The following KCNN2 variants were observed in gnomAD, a reference collection of about 807,000 sequenced individuals.
KCNN2 encodes small conductance calcium-activated potassium channel protein 2.
KCNN2 carries 24 observed loss-of-function variants against 55.5 expected under a neutral mutation model. The observed-to-expected ratio is 0.43, with a 90% CI of 0.31 to 0.61. The LOEUF is 0.61. Among genes scored for constraint, KCNN2 ranks in the 20% least tolerant of loss-of-function variants. KCNN2 has a pLI of 0.08. For synonymous variants in KCNN2, 431 were observed against 336.1 expected (o/e 1.28, Z -3.09); for missense variants, 754 against 853.6 (o/e 0.88, Z 1.45).
At chr5:114,151,315 G>A (rs1752519372) in intron 1 of KCNN2, among the ~76,000 whole-genome samples, 1 of 152,000 alleles carries the variant, frequency 6.6e-6, no homozygotes, top group South Asian at 2.1e-4. Context: ...TGATTAAATG[G>A]CAGTGGGTTG....
chr5:114,489,354 C>T (rs752193662), intron 6 of KCNN2, among the ~76,000 whole-genome samples: 3 of 152,128 alleles, frequency 2.0e-5, no homozygotes, highest in Non-Finnish European at 4.4e-5. Context: ...GTTGCAAATG[C>T]ACCCTACAAG....
At chr5:114,140,785 T>C (rs1752262785) in intron 1 of KCNN2, among the ~76,000 whole-genome samples, 1 of 147,762 alleles carries the variant, frequency 6.8e-6, no homozygotes, top group Non-Finnish European at 1.5e-5. Flanking sequence ...ATTATTATTA[T>C]TATTATTATT....
intron 2 of KCNN2, among the ~76,000 whole-genome samples, chr5:114,284,207 T>C (rs1755685802): frequency 6.6e-6 from 1 of 152,244 alleles, no homozygotes; most frequent in African/African-American, 2.4e-5. Flanking sequence ...ATCTTAGGTC[T>C]TGGATGTTAA....
At chr5:114,307,436 C>A (rs184267543) in intron 2 of KCNN2, among the ~76,000 whole-genome samples, 1 of 152,086 alleles carries the variant, frequency 6.6e-6, no homozygotes, top group African/African-American at 2.4e-5. Flanking sequence ...GGCCTTCTTG[C>A]CTGTTCTGAT....
At chr5:114,164,100 G>T (rs1752856767) in intron 1 of KCNN2, among the ~76,000 whole-genome samples, 1 of 152,074 alleles carries the variant, frequency 6.6e-6, no homozygotes, top group South Asian at 2.1e-4. Context: ...TTACAAGAAG[G>T]ATTACAAAAG....
chr5:114,145,331 A>T (rs1006763034), intron 1 of KCNN2, among the ~76,000 whole-genome samples: 9 of 152,262 alleles, frequency 5.9e-5, no homozygotes, highest in Non-Finnish European at 1.3e-4. Context: ...CTTCTGAACT[A>T]ACACAATCCT....
At position 114,362,868 on chromosome 5, in the gene KCNN2, G is replaced by A. The variant is rs1054005035; in HGVS notation, c.729G>A (p.Ala243=). ...ACCTGCACGAGATGGACTCAGAGGCGCAGCCCCTGCAGCCCCCCGCGTCTG... is the reference window on the plus strand; with the variant it reads ...ACCTGCACGAGATGGACTCAGAGGCACAGCCCCTGCAGCCCCCCGCGTCTG... ...RRNLHEMDSE[A]QPLQPPASVG... is the part of the protein sequence containing the mutation. Residue 243 remains alanine (A), a synonymous_variant, in exon 1 of 8, where the codon GCG becomes GCA. Coordinates refer to ENST00000673685, the MANE Select transcript of KCNN2 (RefSeq NM_021614.4). 1.3e-6 allele frequency: 2 copies of A among 1,598,520 alleles called. No homozygotes were observed. Among genetic ancestry groups the A allele is most frequent in the Non-Finnish European group, 8.5e-7 (1 of 1,178,570 alleles).
At chr5:114,429,776 G>T (rs970983307) in intron 3 of KCNN2, among the ~76,000 whole-genome samples, 20 of 139,006 alleles carry the variant, frequency 1.4e-4, no homozygotes, top group East Asian at 8.9e-4. Context: ...GGTTTTGGGG[G>T]TTTTTTTGTG....
intron 2 of KCNN2, among the ~76,000 whole-genome samples, chr5:114,342,232 A>T (rs991572483): frequency 1.3e-5 from 2 of 152,196 alleles, no homozygotes; most frequent in Admixed American, 1.3e-4. Flanking sequence ...TATCTCCAGA[A>T]TTGTATTTTG....
chr5:114,181,603 A>G (rs1193820201), intron 1 of KCNN2, among the ~76,000 whole-genome samples: 24 of 152,082 alleles, frequency 1.6e-4, no homozygotes, highest in Admixed American at 1.6e-3. Flanking sequence ...TAATTTATCA[A>G]TTTTTTTATT....
chr5:114,388,187 G>A (rs533040329), intron 2 of KCNN2, among the ~76,000 whole-genome samples: 4 of 152,006 alleles, frequency 2.6e-5, no homozygotes, highest in East Asian at 3.9e-4. Context: ...TGTTATTTTT[G>A]TACTTATTTC....
intron 3 of KCNN2, among the ~76,000 whole-genome samples, chr5:114,410,052 C>G (rs917007040): frequency 5.9e-5 from 9 of 152,304 alleles, no homozygotes; most frequent in Admixed American, 1.3e-4. Context: ...CTAGGAAGAA[C>G]ACTGTCCTCT....
intron 5 of KCNN2, chr5:114,486,834 G>T (rs910860213): frequency 8.2e-7 from 1 of 1,223,076 alleles, no homozygotes; most frequent in South Asian, 1.4e-5. Flanking sequence ...GAAAGAAAGT[G>T]GTAGTATCTC....
At chr5:114,216,021 C>CAT (rs1372576541) in intron 1 of KCNN2, among the ~76,000 whole-genome samples, 2 of 152,074 alleles carry the variant, frequency 1.3e-5, no homozygotes, top group Admixed American at 6.6e-5. Context: ...TAGAACTCAA[C>CAT]ATATTTTGTG....
chr5:114,075,146 A>G (rs1447662642), intron 1 of KCNN2, among the ~76,000 whole-genome samples: 1 of 152,238 alleles, frequency 6.6e-6, no homozygotes. Context: ...ATTGCCAAAC[A>G]CAGATTGGAG....
At chr5:114,088,540 A>G (rs1465911966) in intron 1 of KCNN2, among the ~76,000 whole-genome samples, 1 of 151,644 alleles carries the variant, frequency 6.6e-6, no homozygotes, top group African/African-American at 2.4e-5. Context: ...TTTTTCTTCC[A>G]GTATTCTTAT....
chr5:114,195,833 G>C (rs114410704), intron 1 of KCNN2, among the ~76,000 whole-genome samples: 1 of 151,914 alleles, frequency 6.6e-6, no homozygotes, highest in Non-Finnish European at 1.5e-5. Flanking sequence ...GTTTTTTGTA[G>C]ATGCCTTATA....
intron 2 of KCNN2, among the ~76,000 whole-genome samples, chr5:114,222,525 G>A (rs1257728496): frequency 1.3e-5 from 2 of 152,140 alleles, no homozygotes; most frequent in Non-Finnish European, 2.9e-5. Context: ...CTCAAGAATG[G>A]CAAACTGCAT....
At chr5:114,149,521 G>A (rs558310815) in intron 1 of KCNN2, among the ~76,000 whole-genome samples, 1 of 152,122 alleles carries the variant, frequency 6.6e-6, no homozygotes, top group Non-Finnish European at 1.5e-5. Context: ...GGATATACCA[G>A]CATTTATTAT....
Sources: gnomAD v4.1 joint callset for allele counts (sites outside exome capture counted in the v4.1 genomes callset) on GRCh38, gnomAD v4.1.1 for gene constraint, MANE v1.5 for transcripts, NCBI Gene and HGNC (gene_info 2026-07-23, HGNC 2026-07-21) for gene names.